The following TEN1 variants were observed in gnomAD, a reference collection of about 807,000 sequenced individuals.
TEN1 encodes CST complex subunit TEN1.
A neutral mutation model predicts 9.3 loss-of-function variants in TEN1; 6 were observed. The observed-to-expected ratio is 0.65, with a 90% CI of 0.35 to 1.27. The LOEUF is 1.27. Among genes scored for constraint, TEN1 ranks in the 50% most tolerant of loss-of-function variants. The pLI, the probability that TEN1 is intolerant of heterozygous loss-of-function variation, is 0.03. For synonymous variants in TEN1, 65 were observed against 65.6 expected (o/e 0.99, Z 0.04); for missense variants, 149 against 158.2 (o/e 0.94, Z 0.31).
chr17:75,995,834 C>T (rs2066215212), intron 3 of TEN1, among the ~76,000 whole-genome samples: 1 of 152,088 alleles, frequency 6.6e-6, no homozygotes, highest in African/African-American at 2.4e-5. Flanking sequence ...CTCAGGAGCT[C>T]ACTAATCTAG....
intron 3 of TEN1, among the ~76,000 whole-genome samples, chr17:75,994,034 C>A (rs1323591151): frequency 6.6e-6 from 1 of 151,932 alleles, no homozygotes; most frequent in Admixed American, 6.6e-5. Flanking sequence ...AAAAATTGAA[C>A]CTGAAGCTAA....
At chr17:75,984,853 T>C (rs1204023539) in intron 1 of TEN1, 1 of 152,270 alleles carries the variant, frequency 6.6e-6, no homozygotes, top group Admixed American at 6.5e-5. Context: ...ATCTGCACCA[T>C]AGCCACAGGC....
chr17:75,989,635 C>T (rs1348883600), intron 2 of TEN1, among the ~76,000 whole-genome samples: 2 of 150,972 alleles, frequency 1.3e-5, no homozygotes, highest in African/African-American at 4.9e-5. Flanking sequence ...GGATGGTCTC[C>T]ATCTCTTGAC....
chr17:75,984,203 T>C (rs1025944703), intron 1 of TEN1, among the ~76,000 whole-genome samples: 1 of 152,216 alleles, frequency 6.6e-6, no homozygotes, highest in Non-Finnish European at 1.5e-5. Flanking sequence ...TCTCCCCCGC[T>C]GTCCTAATTC....
chr17:75,989,116 T>G (rs1281150855), intron 2 of TEN1, among the ~76,000 whole-genome samples: 1 of 151,074 alleles, frequency 6.6e-6, no homozygotes, highest in African/African-American at 2.4e-5. Context: ...TTTTCTTTTT[T>G]TGAGACAGAG....
At chr17:75,988,873 C>T (rs917588310) in intron 2 of TEN1, among the ~76,000 whole-genome samples, 13 of 151,832 alleles carry the variant, frequency 8.6e-5, no homozygotes, top group Non-Finnish European at 1.8e-4. Flanking sequence ...CAGGTTCAAG[C>T]GATTCTCCTG....
chr17:75,981,596 G>GTT (rs34873669), intron 1 of TEN1, among the ~76,000 whole-genome samples: 4,533 of 132,296 alleles, frequency 0.034, 231 homozygotes, highest in African/African-American at 0.12. Flanking sequence ...AAAGCAAGTT[G>GTT]TTTTTTTTTT....
At chr17:75,980,325 T>C (rs764449229) in intron 1 of TEN1, among the ~76,000 whole-genome samples, 13 of 151,980 alleles carry the variant, frequency 8.6e-5, no homozygotes, top group Non-Finnish European at 1.8e-4. Flanking sequence ...GGCAACATAG[T>C]GAGACCCTGT....
chr17:75,991,149 CAAAAAAAA>C (rs71361699), intron 2 of TEN1, among the ~76,000 whole-genome samples: 6 of 70,220 alleles, frequency 8.5e-5, no homozygotes, highest in African/African-American at 3.2e-4. Flanking sequence ...GACTCCATCT[CAAAAAAAA>C]AAAAAAAAAA....
intron 3 of TEN1, among the ~76,000 whole-genome samples, chr17:75,994,486 G>A (rs1201263092): frequency 6.7e-6 from 1 of 149,900 alleles, no homozygotes; most frequent in African/African-American, 2.5e-5. Flanking sequence ...CTTATTTTTT[G>A]TGAGACGGAG....
At chr17:75,998,464 CT>C (rs1251293850) in intron 3 of TEN1, among the ~76,000 whole-genome samples, 2 of 152,112 alleles carry the variant, frequency 1.3e-5, no homozygotes, top group Non-Finnish European at 2.9e-5. Flanking sequence ...CCTCTCTGAC[CT>C]GTGTCAGCAC....
intron 1 of TEN1, among the ~76,000 whole-genome samples, chr17:75,983,907 A>G (rs1306409864): frequency 6.6e-6 from 1 of 152,068 alleles, no homozygotes; most frequent in Admixed American, 6.6e-5. Context: ...CCAAAGGCCA[A>G]TCTTAGGTTC....
chr17:75,997,556 C>T (rs1186740647), intron 3 of TEN1, among the ~76,000 whole-genome samples: 1 of 152,188 alleles, frequency 6.6e-6, no homozygotes, highest in Non-Finnish European at 1.5e-5. Flanking sequence ...TTAGCTCCTT[C>T]CTCTAGTCTA....
chr17:75,990,933 T>A (rs1233793024), intron 2 of TEN1, among the ~76,000 whole-genome samples: 1 of 151,760 alleles, frequency 6.6e-6, no homozygotes, highest in Non-Finnish European at 1.5e-5. Flanking sequence ...GTGGATCCCT[T>A]GAGGTCAGGA....
intron 1 of TEN1, among the ~76,000 whole-genome samples, chr17:75,983,709 TCGGG>T (rs2066136170): frequency 6.6e-6 from 1 of 152,118 alleles, no homozygotes; most frequent in South Asian, 2.1e-4. Flanking sequence ...AAATGTAGTT[TCGGG>T]GAAGGGGTGG....
intron 2 of TEN1, among the ~76,000 whole-genome samples, chr17:75,987,104 G>A (rs144129010): frequency 2.6e-5 from 4 of 152,286 alleles, no homozygotes; most frequent in East Asian, 1.9e-4. Flanking sequence ...GATTACAGGC[G>A]TAAGCCACTG....
intron 1 of TEN1, among the ~76,000 whole-genome samples, chr17:75,985,371 T>C (rs1452087461): frequency 6.6e-6 from 1 of 152,038 alleles, no homozygotes; most frequent in Non-Finnish European, 1.5e-5. Context: ...TGGTCCCGAA[T>C]TCCTAGTCTC....
chr17:75,984,483 C>T (rs1431008337), intron 1 of TEN1: 1 of 152,200 alleles, frequency 6.6e-6, no homozygotes, highest in Admixed American at 6.5e-5. Flanking sequence ...ACTGCAGCCT[C>T]GACCTCGCAG....
At chr17:75,996,028 C>T (rs34659221) in intron 3 of TEN1, among the ~76,000 whole-genome samples, 3,032 of 151,922 alleles carry the variant, frequency 0.02, 40 homozygotes, top group Middle Eastern at 0.059. Flanking sequence ...GAGTTCGATG[C>T]TGCAGTGAGC....
Sources: allele counts gnomAD v4.1 joint callset (sites outside exome capture counted in the v4.1 genomes callset), GRCh38; gene constraint gnomAD v4.1.1; transcripts MANE v1.5; gene names NCBI Gene and HGNC (gene_info 2026-07-23, HGNC 2026-07-21).